Variants in AGAP1 observed in about 807,000 individuals in gnomAD.
AGAP1 encodes the protein arf-GAP with GTPase, ANK repeat and PH domain-containing protein 1.
A neutral mutation model predicts 105.3 loss-of-function variants in AGAP1; 29 were observed. The observed-to-expected ratio is 0.28, with a 90% CI of 0.21 to 0.38. The LOEUF (loss-of-function observed/expected upper bound fraction) is 0.38. Ranked by LOEUF, AGAP1 falls within the 10% of genes least tolerant of loss-of-function variation. The probability of loss-of-function intolerance (pLI) is 1.00; values close to 1 mark genes in which losing one functional copy is unlikely to be tolerated. For synonymous variants in AGAP1, 509 were observed against 485.9 expected, an observed-to-expected ratio of 1.05 and a Z score of -0.63; for missense variants, 998 against 1,165.1, an observed-to-expected ratio of 0.86 and a Z score of 2.09.
intron 1 of AGAP1, among the ~76,000 whole-genome samples, chr2:235,530,710 T>C (rs1943015269): frequency 6.6e-6 from 1 of 152,218 alleles, no homozygotes; most frequent in Non-Finnish European, 1.5e-5. Context: ...CCCTTGTGAT[T>C]ACGTTGGACC....
intron 1 of AGAP1, among the ~76,000 whole-genome samples, chr2:235,590,781 T>G (rs1574916963): frequency 7.7e-6 from 1 of 129,632 alleles, no homozygotes; most frequent in African/African-American, 3.0e-5. Flanking sequence ...AGTGCAGTGG[T>G]GTGATCTCGG....
Position 235,992,224 on chromosome 2 carries a change from G to A in AGAP1, c.1645+23601G>A, listed in dbSNP as rs972484209. 5.3e-5 allele frequency among the ~76,000 whole-genome samples: 8 copies of A among 151,998 alleles called. No individual in the cohort carries two copies. The highest frequency in any genetic ancestry group is 1.2e-4 in the African/African-American group (5 of 41,396). ...GCCGGTCTTCCTGGGTCCATGTTGC[G>A]TGGTTAGGAGCGCAGCGGAGGAGCC... On this transcript the variant is annotated intron_variant, in intron 13 of 17. Coordinates refer to ENST00000304032, the MANE Select transcript of AGAP1 (RefSeq NM_001037131.3). The surrounding 1 kb of genome is among the most constrained non-coding windows in gnomAD (Gnocchi z 4.8).
chr2:235,696,484 G>A (rs752619895), intron 1 of AGAP1, among the ~76,000 whole-genome samples: 1 of 152,162 alleles, frequency 6.6e-6, no homozygotes, highest in African/African-American at 2.4e-5. Context: ...CAGCTTCCAC[G>A]CTTTCCAGCC....
rs202063841 is a variant in AGAP1, at chr2:235,692,558, TCTCCCCCCTTGCC to T, written c.164-16607_164-16595del. Among the ~76,000 whole-genome samples the T allele has an allele frequency of 5.5e-3, 826 of 150,824 alleles. 10 individuals carry two copies. The highest frequency in any genetic ancestry group is 0.019 in the African/African-American group (790 of 41,026). ...ATACTTCGCCCTGCTGCCCCTATGC[TCTCCCCCCTTGCC>T]CTCCCCCCTTGCCTTCCTGGGCCAT... is the stretch of plus-strand genomic sequence containing the variant. On this transcript the variant is annotated intron_variant, in intron 1 of 17. Coordinates refer to ENST00000304032, the MANE Select transcript of AGAP1 (RefSeq NM_001037131.3). The surrounding 1 kb of genome is among the most constrained non-coding windows in gnomAD (Gnocchi z 5.8).
chr2:235,798,979 A>G (rs192590682), intron 7 of AGAP1, among the ~76,000 whole-genome samples: 165 of 152,108 alleles, frequency 1.1e-3, no homozygotes, highest in African/African-American at 3.8e-3. Context: ...TGTCATTTTC[A>G]TAATGTTGGC....
At chr2:235,588,228 C>CAA (rs34739482) in intron 1 of AGAP1, among the ~76,000 whole-genome samples, 1,988 of 131,438 alleles carry the variant, frequency 0.015, 22 homozygotes, top group Non-Finnish European at 0.02. Context: ...GACTCCGTCT[C>CAA]AAAAAAAAAA....
intron 1 of AGAP1, among the ~76,000 whole-genome samples, chr2:235,627,700 C>T (rs949329223): frequency 1.3e-5 from 2 of 152,052 alleles, no homozygotes; most frequent in Non-Finnish European, 2.9e-5. Flanking sequence ...TAAAATGCCT[C>T]GTCCCCGGCT....
In AGAP1 at chr2:235,700,882, AAT is replaced by A. The variant is rs1295413213; in HGVS notation, c.164-8292_164-8291del. On this transcript the variant is annotated intron_variant, in intron 1 of 17. Coordinates refer to ENST00000304032, the MANE Select transcript of AGAP1 (RefSeq NM_001037131.3). This position sits in a 1 kb window ranked among gnomAD's most constrained non-coding sequence, Gnocchi z 6.1. ...TATACTCTACATAGTATATATTTAT[AAT>A]ATATGTATATAATGTATAATATATG... Among the ~76,000 whole-genome samples the A allele has an allele frequency of 2.0e-5, 3 of 147,838 alleles. No individual in the cohort carries two copies. The highest frequency in any genetic ancestry group is 4.9e-5 in the African/African-American group (2 of 40,620).
chr2:235,949,888 C>A (rs1248030606), intron 12 of AGAP1, among the ~76,000 whole-genome samples: 1 of 152,166 alleles, frequency 6.6e-6, no homozygotes, highest in Non-Finnish European at 1.5e-5. Context: ...AAATAGACTC[C>A]CTCGCCTAGG....
At chr2:236,010,957 G>A (rs1375364615) in intron 13 of AGAP1, among the ~76,000 whole-genome samples, 2 of 152,170 alleles carry the variant, frequency 1.3e-5, no homozygotes, top group Non-Finnish European at 2.9e-5. Flanking sequence ...TGAGGCAGGA[G>A]AATGGCTTGA....
chr2:236,026,834 A>G (rs182007538), intron 13 of AGAP1, among the ~76,000 whole-genome samples: 1 of 152,340 alleles, frequency 6.6e-6, no homozygotes, highest in Admixed American at 6.5e-5. Flanking sequence ...TGGCATGAGG[A>G]ATAGGAGAAG....
At chr2:235,581,644 A>G (rs1944937031) in intron 1 of AGAP1, among the ~76,000 whole-genome samples, 1 of 151,854 alleles carries the variant, frequency 6.6e-6, no homozygotes, top group African/African-American at 2.4e-5. Context: ...CGTCTCTGCT[A>G]AAATACAAAA....
At chr2:235,996,510 A>G (rs193023037) in intron 13 of AGAP1, among the ~76,000 whole-genome samples, 14 of 152,334 alleles carry the variant, frequency 9.2e-5, no homozygotes, top group Admixed American at 4.6e-4. Flanking sequence ...TTAAATGCCA[A>G]CCATCTTGAT....
intron 6 of AGAP1, chr2:235,776,859 C>T (rs1188198566): frequency 6.4e-6 from 3 of 468,340 alleles, no homozygotes; most frequent in Non-Finnish European, 1.3e-5. Flanking sequence ...TTTCCAAAAT[C>T]TCGAGGCTCT....
intron 1 of AGAP1, among the ~76,000 whole-genome samples, chr2:235,521,080 C>T (rs553603984): frequency 1.3e-5 from 2 of 152,342 alleles, no homozygotes; most frequent in East Asian, 3.9e-4. Flanking sequence ...TCCTCATTTG[C>T]TTTGGGCTTC....
chr2:235,892,526 C>T (rs1156958531), intron 10 of AGAP1, among the ~76,000 whole-genome samples: 1 of 147,742 alleles, frequency 6.8e-6, no homozygotes, highest in East Asian at 2.0e-4. Flanking sequence ...GTAAAGACAA[C>T]AAAAAGATCT....
intron 13 of AGAP1, among the ~76,000 whole-genome samples, chr2:235,999,176 A>G (rs913195443): frequency 0.012 from 1,062 of 89,880 alleles, 5 homozygotes; most frequent in Non-Finnish European, 0.018. Context: ...GATGATGATA[A>G]TGGTGATGGT....
At chr2:236,026,829 T>C (rs1029834466) in intron 13 of AGAP1, among the ~76,000 whole-genome samples, 5 of 152,204 alleles carry the variant, frequency 3.3e-5, no homozygotes, top group Non-Finnish European at 7.3e-5. Flanking sequence ...TCTCTTGGCA[T>C]GAGGAATAGG....
chr2:235,621,822 G>T lies in AGAP1; in HGVS notation c.164-87357G>T, dbSNP rs1946489645. Among the ~76,000 whole-genome samples, 1 of 152,208 alleles carries T rather than the reference G, an allele frequency of 6.6e-6. No homozygotes were observed. ...AGGGCACATGGCAGTAACCCCCTGG[G>T]AGCGGCTGCTGATGTTCTGGCTCTC... On this transcript the variant is annotated intron_variant, in intron 1 of 17. Transcript: ENST00000304032. This position sits in a 1 kb window ranked among gnomAD's most constrained non-coding sequence, Gnocchi z 4.1.
Sources: gnomAD v4.1 joint callset for allele counts (sites outside exome capture counted in the v4.1 genomes callset) on GRCh38, gnomAD v4.1.1 for gene constraint, Gnocchi (gnomAD v3.1) non-coding constraint, MANE v1.5 for transcripts, NCBI Gene and HGNC (gene_info 2026-07-23, HGNC 2026-07-21) for gene names.